Variants in TLE6 observed in about 807,000 individuals in gnomAD.
The protein encoded by TLE6 is TLE family member 6, subcortical maternal complex member.
In TLE6, 72 loss-of-function variants were observed where a neutral mutation model predicts 77.1. That is an observed-to-expected ratio of 0.93 (90% CI 0.77 to 1.14). The LOEUF (loss-of-function observed/expected upper bound fraction) is 1.14, where lower values mean the gene tolerates loss of function less well. TLE6 is among the 50% of genes most tolerant of loss of function. The pLI is 0.00. For missense variants in TLE6, 843 were observed against 747.6 expected (o/e 1.13, Z -1.49); for synonymous variants, 366 against 287.3 (o/e 1.27, Z -2.77).
chr19:2,992,019 C>T (rs2089079302), intron 14 of TLE6, 35 bp downstream of exon 14: 1 of 1,607,474 alleles, frequency 6.2e-7, no homozygotes, highest in African/African-American at 1.3e-5. Flanking sequence ...CTTGGCCAGG[C>T]ATCCTCTGGT....
rs140669738 is a variant in TLE6 at position 2,989,641 on chromosome 19, C to A, written c.1100C>A (p.Pro367His). The change falls in exon 13 of 17, where the codon CCC becomes CAC. Residue 367 changes from proline (P) to histidine (H), a missense_variant. Transcript: ENST00000246112. ...ASVSVWDLAA[P>H]SLHVKEQLPC... Reference sequence around the variant, plus strand: ...GTGAGCGTGTGGGACCTGGCGGCGCCCTCCCTGCATGTGAAGGAGCAGTTG... The same window carrying A: ...GTGAGCGTGTGGGACCTGGCGGCGCACTCCCTGCATGTGAAGGAGCAGTTG... The A allele has an allele frequency of 1.9e-6, 3 of 1,614,086 alleles. No individual in the cohort carries two copies. In the African/African-American group the frequency reaches 4.0e-5, roughly 22 times the overall value.
chr19:2,991,705 A>G, intron 13 of TLE6, 138 bp from the exon 14 acceptor site: 1 of 757,902 alleles, frequency 1.3e-6, no homozygotes, highest in Non-Finnish European at 2.1e-6. Context: ...TTTTCTGCCA[A>G]CTTTGACACT....
chr19:2,986,973 G>A lies in TLE6; in HGVS notation c.286-10G>A. Reference sequence around the variant, plus strand: ...TCAAAGCTCTCACTGCCTTGTTCCTGCCGGGCCAGGTCTCACCTGCTGAAC... The same window carrying A: ...TCAAAGCTCTCACTGCCTTGTTCCTACCGGGCCAGGTCTCACCTGCTGAAC... On this transcript the variant is annotated splice_polypyrimidine_tract_variant and intron_variant, in intron 6 of 16. Transcript: ENST00000246112. 1 of 1,598,970 alleles carries A rather than the reference G, an allele frequency of 6.3e-7. No individual in the cohort carries two copies. Among genetic ancestry groups the A allele is most frequent in the Non-Finnish European group, 8.5e-7 (1 of 1,172,778 alleles).
At chr19:2,979,895 CAG>C (rs1205049460) in intron 2 of TLE6, among the ~76,000 whole-genome samples, 2 of 145,598 alleles carry the variant, frequency 1.4e-5, no homozygotes, top group Non-Finnish European at 3.0e-5. Flanking sequence ...ACCCGGGAGG[CAG>C]AGTTTGCAGT....
intron 13 of TLE6, among the ~76,000 whole-genome samples, chr19:2,990,640 AAT>A (rs200555188): frequency 1.2e-4 from 9 of 74,890 alleles, no homozygotes; most frequent in Non-Finnish European, 2.1e-4. Context: ...TATATAAATA[AAT>A]ATATATATAA....
At chr19:2,994,194 A>G (rs2089156287) in intron 16 of TLE6, 99 bp downstream of exon 16, 1 of 1,021,876 alleles carries the variant, frequency 9.8e-7, no homozygotes. Context: ...CTTAAAAAGT[A>G]GCCAGGTGTG....
At position 2,988,142 on chromosome 19, in the gene TLE6, C is replaced by T. The variant is rs1441115395; in HGVS notation, c.740+14C>T. On this transcript the variant is annotated intron_variant, in intron 11 of 16. Coordinates refer to ENST00000246112, the MANE Select transcript of TLE6 (RefSeq NM_001143986.2). The stretch of plus-strand genomic sequence containing the variant: ...TCTACAGTCCATGTAAGTGTCTGCA[C>T]TGTTTGCTTTTGGGCGGGGTGAGGG... 2.6e-6 allele frequency: 4 copies of T among 1,551,528 alleles called. No individual in the cohort carries two copies. Among genetic ancestry groups the T allele is most frequent in the Admixed American group, 2.0e-5 (1 of 50,988 alleles).
At position 2,991,376 on chromosome 19, in the gene TLE6, GTATATATATA is replaced by G. The variant is rs369766984; in HGVS notation, c.1245-456_1245-447del. ...TCCATTTCAAAAAAAAAAAAAATAC[GTATATATATA>G]TATATATATACACACACACACACAC... On this transcript the variant is annotated intron_variant, in intron 13 of 16. Coordinates refer to ENST00000246112, the MANE Select transcript of TLE6 (RefSeq NM_001143986.2). Among the ~76,000 whole-genome samples, 212 of 105,536 alleles carry G rather than the reference GTATATATATA, an allele frequency of 2.0e-3. 9 individuals carry two copies. The highest frequency in any genetic ancestry group is 6.9e-3 in the African/African-American group (191 of 27,692). The allele number at this position is 105,536 out of a possible 152,430, so 69.2% of individuals were successfully genotyped here.
In TLE6 at chr19:2,995,065, C is replaced by CCG. The variant is rs1555687669; in HGVS notation, c.*62_*63insGC. Reference sequence around the variant, plus strand: ...TTTTCATCCCCCCCCTTCCCCCCCCCCAACAAGGGGGACATGGTGGAGGGA... The same window carrying CCG: ...TTTTCATCCCCCCCCTTCCCCCCCCCCGCAACAAGGGGGACATGGTGGAGGGA... On this transcript the variant is annotated 3_prime_UTR_variant, in exon 17 of 17. Coordinates refer to ENST00000246112, the MANE Select transcript of TLE6 (RefSeq NM_001143986.2). The CCG allele has an allele frequency of 2.9e-6, 3 of 1,025,534 alleles. No homozygotes were observed. The highest frequency in any genetic ancestry group is 2.6e-5 in the East Asian group (1 of 38,074). The allele number at this position is 1,025,534 out of a possible 1,614,324, so 63.5% of individuals were successfully genotyped here.
At chr19:2,988,402 C>A (rs989936221) in intron 11 of TLE6, among the ~76,000 whole-genome samples, 3 of 152,120 alleles carry the variant, frequency 2.0e-5, no homozygotes, top group Non-Finnish European at 4.4e-5. Context: ...TGAGAACATC[C>A]TGGGTAACAC....
rs766612102 is a variant in TLE6 at position 2,987,708 on chromosome 19, C to T, written c.559-16C>T. On this transcript the variant is annotated splice_polypyrimidine_tract_variant and intron_variant, in intron 8 of 16. Coordinates refer to ENST00000246112, the MANE Select transcript of TLE6 (RefSeq NM_001143986.2). ...AGGCAGGTCAGCAGGCCTGATGAGA[C>T]TTTTCCATTTTCCAGGGGCAGGAAA... is the stretch of plus-strand genomic sequence containing the variant. 2.5e-6 allele frequency: 4 copies of T among 1,614,160 alleles called. 1 individual carries two copies. Among genetic ancestry groups the T allele is most frequent in the South Asian group, 1.1e-5 (1 of 91,078 alleles).
At chr19:2,985,813 C>T (rs1459611034) in intron 5 of TLE6, among the ~76,000 whole-genome samples, 2 of 150,722 alleles carry the variant, frequency 1.3e-5, no homozygotes, top group Non-Finnish European at 3.0e-5. Flanking sequence ...TGGTGGCTCA[C>T]ACCTGTAATC....
intron 2 of TLE6, among the ~76,000 whole-genome samples, chr19:2,978,984 C>A (rs1020033320): frequency 6.6e-6 from 1 of 152,124 alleles, no homozygotes; most frequent in Non-Finnish European, 1.5e-5. Flanking sequence ...GACGGAGTCT[C>A]ACACTCACCT....
chr19:2,982,587 G>T (rs531275865), intron 5 of TLE6, among the ~76,000 whole-genome samples: 2 of 150,742 alleles, frequency 1.3e-5, no homozygotes, highest in Non-Finnish European at 3.0e-5. Flanking sequence ...GACAGAGGAC[G>T]AGGGGTAGGT....
chr19:2,984,946 T>C (rs1373118699), intron 5 of TLE6, among the ~76,000 whole-genome samples: 2 of 152,170 alleles, frequency 1.3e-5, no homozygotes, highest in Non-Finnish European at 2.9e-5. Context: ...TGTTGTTGTT[T>C]GTTCGTTTTA....
chr19:2,994,472 T>G lies in TLE6; in HGVS notation c.1614+377T>G, dbSNP rs540363525. ...AAAAATACAAAAAATTAGTTGGGCG[T>G]GGTGGTGGGCGCCTGTAGTCCCAGC... On this transcript the variant is annotated intron_variant, in intron 16 of 16. Coordinates refer to ENST00000246112, the MANE Select transcript of TLE6 (RefSeq NM_001143986.2). Among the ~76,000 whole-genome samples the G allele has an allele frequency of 9.9e-5, 15 of 151,996 alleles. No individual in the cohort carries two copies. The South Asian group carries it at 3.1e-3, about 32-fold the overall frequency.
intron 10 of TLE6, 32 bp downstream of exon 10, chr19:2,988,006 G>T (rs199531401): frequency 5.0e-6 from 8 of 1,598,540 alleles, no homozygotes; most frequent in South Asian, 2.2e-5. Flanking sequence ...GTAGCCCAGC[G>T]TGAAGGCTGC....
rs576843904 is a variant in TLE6, at chr19:2,989,221, G to A, written c.901G>A (p.Val301Met). The A allele has an allele frequency of 8.1e-6, 13 of 1,613,972 alleles. No homozygotes were observed. The highest frequency in any genetic ancestry group is 7.7e-5 in the South Asian group (7 of 91,092). Residue 301 changes from valine to methionine, a missense_variant, in exon 12 of 17, where the codon GTG (valine) becomes ATG (methionine). Val to Met is a conservative substitution (Grantham distance 21, BLOSUM62 1). Transcript: ENST00000246112. ...GGCCATCAGCAGCTTCACGCGGCACGTGTTCACCTGTGGCAGAAGAGGCAT... is the reference window on the plus strand; with the variant it reads ...GGCCATCAGCAGCTTCACGCGGCACATGTTCACCTGTGGCAGAAGAGGCAT... The part of the protein sequence containing the change: ...ATAISSFTRH[V>M]FTCGRRGIKV...
rs1484029628 is a variant in TLE6 at position 2,980,134 on chromosome 19, C to A, written c.86C>A (p.Pro29Gln). ...GGGATCTCGAACTCTGAGAGCTCTC[C>A]GACGCTGAATTATCAGGGCATTCTA... ...CPGISNSESS[P>Q]TLNYQGILNR... The change falls in exon 3 of 17, where the codon CCG becomes CAG. Residue 29 changes from proline (P) to glutamine (Q), a missense_variant. Transcript: ENST00000246112. 1 of 1,550,238 alleles carries A rather than the reference C, an allele frequency of 6.5e-7. No homozygotes were observed. The highest frequency in any genetic ancestry group is 1.2e-5 in the South Asian group (1 of 84,028).
Sources: gnomAD v4.1 joint callset for allele counts (sites outside exome capture counted in the v4.1 genomes callset) on GRCh38, gnomAD v4.1.1 for gene constraint, MANE v1.5 for transcripts, NCBI Gene and HGNC (gene_info 2026-07-23, HGNC 2026-07-21) for gene names.